Variants in SLC30A2 observed in about 807,000 individuals in gnomAD.
The protein encoded by SLC30A2 is solute carrier family 30 member 2.
A neutral mutation model predicts 39.6 loss-of-function variants in SLC30A2; 19 were observed. The ratio of observed to expected loss-of-function variants is 0.48; its 90% CI spans 0.34 to 0.70. The LOEUF (loss-of-function observed/expected upper bound fraction) is 0.70, where lower values mean the gene tolerates loss of function less well. Ranked by LOEUF, SLC30A2 falls within the 30% of genes least tolerant of loss-of-function variation. The pLI, the probability that SLC30A2 is intolerant of heterozygous loss-of-function variation, is 0.01. For synonymous variants in SLC30A2, 195 were observed against 194.8 expected (o/e 1.00, Z -0.01); for missense variants, 387 against 479.4 (o/e 0.81, Z 1.80).
rs202003978 is a variant in SLC30A2 at position 26,041,758 on chromosome 1, G to C, written c.780C>G (p.Ile260Met). The part of the protein sequence containing the change: ...VDPICTFVFS[I>M]LVLGTTLTIL... ...TGGTCAAGGTTGTCCCCAGGACCAG[G>C]ATGGAGAAGACGAAGGTGCAGATGG... Residue 260 changes from isoleucine to methionine, a missense_variant, in exon 6 of 8, where the codon ATC (isoleucine) becomes ATG (methionine). Coordinates refer to ENST00000374276, the MANE Select transcript of SLC30A2 (RefSeq NM_001004434.3). The C allele has an allele frequency of 6.2e-7, 1 of 1,613,840 alleles. No individual in the cohort carries two copies. Among genetic ancestry groups the C allele is most frequent in the Admixed American group, 1.7e-5 (1 of 60,010 alleles).
chr1:26,042,615 G>C lies in SLC30A2; in HGVS notation c.666C>G (p.Ile222Met). ...TCTGCATAAAGTCGCCGATCACATGGATGAAGGCAGCTCGGACGCTGGGGT... is the reference window on the plus strand; with the variant it reads ...TCTGCATAAAGTCGCCGATCACATGCATGAAGGCAGCTCGGACGCTGGGGT... ...EENPSVRAAFIHVIGDFMQSM... is the reference protein window; with the variant it reads ...EENPSVRAAFMHVIGDFMQSM... The change falls in exon 5 of 8, where the codon ATC (isoleucine) becomes ATG (methionine). Residue 222 changes from isoleucine to methionine, a missense_variant. Coordinates refer to ENST00000374276, the MANE Select transcript of SLC30A2 (RefSeq NM_001004434.3). 2 of 1,614,206 alleles carry C rather than the reference G, an allele frequency of 1.2e-6. No individual in the cohort carries two copies. Among genetic ancestry groups the C allele is most frequent in the Non-Finnish European group, 1.7e-6 (2 of 1,180,026 alleles).
rs1477109267 is a variant in SLC30A2, at chr1:26,039,815, G to A, written c.935C>T (p.Thr312Met). 3.1e-6 allele frequency: 5 copies of A among 1,613,810 alleles called. No individual in the cohort carries two copies. The highest frequency in any genetic ancestry group is 1.3e-5 in the African/African-American group (1 of 74,914). Residue 312 changes from threonine to methionine, a missense_variant, in exon 7 of 8, where the codon ACG becomes ATG. Coordinates refer to ENST00000374276, the MANE Select transcript of SLC30A2 (RefSeq NM_001004434.3). This position sits in a 1 kb window ranked among gnomAD's most constrained non-coding sequence, Gnocchi z 4.3. ...GACAGACAGAACAGGCTGGGCCACC[G>A]TCAGTGCCCAGATATGCAGGCTGTG... Reference protein sequence around the residue: ...ALHSLHIWALTVAQPVLSVHI... With the variant: ...ALHSLHIWALMVAQPVLSVHI...
intron 1 of SLC30A2, 97 bp downstream of exon 1, chr1:26,045,750 C>T: frequency 1.3e-6 from 2 of 1,593,700 alleles, no homozygotes; most frequent in Non-Finnish European, 1.7e-6. Flanking sequence ...GGTCCCAGCT[C>T]AAGCCGCAGC....
chr1:26,039,697 G>A lies in SLC30A2; in HGVS notation c.973+80C>T. 1 of 1,474,950 alleles carries A rather than the reference G, an allele frequency of 6.8e-7. No homozygotes were observed. 91.4% of individuals were successfully genotyped at this position (1,474,950 alleles called of 1,614,324 possible). A position where few individuals can be genotyped will look rare whatever the true frequency, so the allele number is the denominator to read the frequency against. ...TGCATGGGCACTGTGAGCATCTGGGGTCACCTGGACCCGTTGGGGATGGCA... is the reference window on the plus strand; with the variant it reads ...TGCATGGGCACTGTGAGCATCTGGGATCACCTGGACCCGTTGGGGATGGCA... On this transcript the variant is annotated intron_variant, in intron 7 of 7. Transcript: ENST00000374276. This position sits in a 1 kb window ranked among gnomAD's most constrained non-coding sequence, Gnocchi z 4.3.
At position 26,038,481 on chromosome 1, in the gene SLC30A2, C is replaced by G. The variant is rs1047378238; in HGVS notation, c.*679G>C. 1.3e-5 allele frequency: 2 copies of G among 152,244 alleles called. No homozygotes were observed. Among genetic ancestry groups the G allele is most frequent in the Non-Finnish European group, 2.9e-5 (2 of 68,054 alleles). The allele number at this position is 152,244 out of a possible 1,614,324, so 9.4% of individuals were successfully genotyped here. A position where few individuals can be genotyped will look rare whatever the true frequency, so the allele number is the denominator to read the frequency against. Reference sequence around the variant, plus strand: ...GGCTTGGAGGCTGTTAGTGCAGAACCCAAGCTGAAATCTCTCTACCCCCTG... The same window carrying G: ...GGCTTGGAGGCTGTTAGTGCAGAACGCAAGCTGAAATCTCTCTACCCCCTG... On this transcript the variant is annotated 3_prime_UTR_variant, in exon 8 of 8. Coordinates refer to ENST00000374276, the MANE Select transcript of SLC30A2 (RefSeq NM_001004434.3).
At chr1:26,040,249 T>C (rs1009152664) in intron 6 of SLC30A2, among the ~76,000 whole-genome samples, 4 of 152,198 alleles carry the variant, frequency 2.6e-5, no homozygotes, top group African/African-American at 9.6e-5. Flanking sequence ...TCAATAAATA[T>C]ATTTTTTGGT....
rs200039883 is a variant in SLC30A2 at position 26,042,585 on chromosome 1, C to T, written c.696G>A (p.Met232Ile). The T allele has an allele frequency of 2.5e-6, 4 of 1,614,176 alleles. No homozygotes were observed. Among genetic ancestry groups the T allele is most frequent in the African/African-American group, 2.7e-5 (2 of 75,058 alleles). The change falls in exon 5 of 8, where the codon ATG becomes ATA. Residue 232 changes from methionine (M) to isoleucine (I), a missense_variant. Physicochemically the swap from Met to Ile is conservative, Grantham distance 10 (BLOSUM62 1). Transcript: ENST00000374276. ...IHVIGDFMQS[M>I]GVLVAAYILY... ...AAATATAGGCTGCCACTAGGACACC[C>T]ATGCTCTGCATAAAGTCGCCGATCA... is the stretch of plus-strand genomic sequence containing the variant.
In SLC30A2 at chr1:26,040,641, G is replaced by A. The variant is rs549604066; in HGVS notation, c.839-730C>T. ...CACGATCATCATCTTCATCATTATC[G>A]CTTTCATCTGGGTTAGCATATTCTT... On this transcript the variant is annotated intron_variant, in intron 6 of 7. Coordinates refer to ENST00000374276, the MANE Select transcript of SLC30A2 (RefSeq NM_001004434.3). 5.9e-5 allele frequency among the ~76,000 whole-genome samples: 9 copies of A among 152,206 alleles called. No homozygotes were observed. The East Asian group carries it at 9.6e-4, about 16-fold the overall frequency.
chr1:26,044,085 G>A (rs2050431663), intron 3 of SLC30A2, among the ~76,000 whole-genome samples: 1 of 152,064 alleles, frequency 6.6e-6, no homozygotes, highest in Admixed American at 6.5e-5. Context: ...CAGACTGAGA[G>A]CTCCTGGATG....
At chr1:26,040,786 G>C (rs566078470) in intron 6 of SLC30A2, among the ~76,000 whole-genome samples, 2 of 152,208 alleles carry the variant, frequency 1.3e-5, no homozygotes, top group Admixed American at 1.3e-4. Flanking sequence ...CCCAGGCCTA[G>C]AGCATAAGAA....
chr1:26,038,878 G>A lies in SLC30A2; in HGVS notation c.*282C>T. On this transcript the variant is annotated 3_prime_UTR_variant, in exon 8 of 8. Coordinates refer to ENST00000374276, the MANE Select transcript of SLC30A2 (RefSeq NM_001004434.3). The stretch of plus-strand genomic sequence containing the variant: ...ACCACCTTTGCCCCTGCGAGTGGTA[G>A]AACATTTGCTGAGGATTAGGCCCAA... 1.4e-6 allele frequency: 1 copy of A among 718,890 alleles called. No homozygotes were observed. The highest frequency in any genetic ancestry group is 5.3e-5 in the East Asian group (1 of 18,712). 44.5% of individuals were successfully genotyped at this position (718,890 alleles called of 1,614,324 possible).
chr1:26,044,531 G>A, intron 2 of SLC30A2, 87 bp from the exon 3 acceptor site: 1 of 1,328,456 alleles, frequency 7.5e-7, no homozygotes. Context: ...GGCTCTGGAA[G>A]AGGACATTCT....
At position 26,044,577 on chromosome 1, in the gene SLC30A2, C is replaced by G. The variant is rs188820561; in HGVS notation, c.272-133G>C. The G allele has an allele frequency of 5.5e-4, 453 of 816,458 alleles. 1 individual carries two copies. The highest frequency in any genetic ancestry group is 7.5e-4 in the Non-Finnish European group (401 of 531,222). 50.6% of individuals were successfully genotyped at this position (816,458 alleles called of 1,614,324 possible). On this transcript the variant is annotated intron_variant, in intron 2 of 7. Transcript: ENST00000374276. The stretch of plus-strand genomic sequence containing the variant: ...TCTCTCTACCCATGAGCTGTACCAC[C>G]GTGACAAGTGACCTACTCTCTCTGA...
chr1:26,045,198 A>G lies in SLC30A2; in HGVS notation c.70T>C (p.Trp24Arg), dbSNP rs112850383. 3.1e-6 allele frequency: 5 copies of G among 1,612,106 alleles called. No individual in the cohort carries two copies. The South Asian group carries it at 5.5e-5, about 18-fold the overall frequency. ...PAIRSYTGSL[W>R]QEGAGWIPLP... ...GGAATCCAGCCAGCCCCTTCCTGCC[A>G]CAGAGATCCCGTGTATGACCTGGCC... The change falls in exon 2 of 8, where the codon TGG becomes CGG. Residue 24 changes from tryptophan to arginine, a missense_variant. Physicochemically the swap from Trp to Arg is moderately radical, Grantham distance 101. Coordinates refer to ENST00000374276, the MANE Select transcript of SLC30A2 (RefSeq NM_001004434.3).
intron 5 of SLC30A2, 26 bp downstream of exon 5, chr1:26,042,523 C>T (rs1473900944): frequency 6.2e-7 from 1 of 1,603,566 alleles, no homozygotes. Context: ...CCTGCCACCC[C>T]CACCACCCTG....
intron 3 of SLC30A2, 137 bp from the exon 4 acceptor site, chr1:26,043,688 T>A: frequency 1.3e-6 from 1 of 742,904 alleles, no homozygotes; most frequent in Non-Finnish European, 2.2e-6. Context: ...CTGCTGAAGG[T>A]ATGGCCGGTA....
At position 26,039,232 on chromosome 1, in the gene SLC30A2, G is replaced by T. The variant is rs894972915; in HGVS notation, c.1047C>A (p.Thr349=). The change falls in exon 8 of 8, where the codon ACC becomes ACA. Residue 349 remains threonine (T), a synonymous_variant. Transcript: ENST00000374276. This position sits in a 1 kb window ranked among gnomAD's most constrained non-coding sequence, Gnocchi z 4.3. ...SRLQGKFHFH[T]VTIQIEDYSE... ...AGTAGTCCTCGATCTGGATGGTCAC[G>T]GTGTGGAAGTGGAACTTCCCTTGGA... 8 of 1,614,038 alleles carry T rather than the reference G, an allele frequency of 5.0e-6. No homozygotes were observed. The highest frequency in any genetic ancestry group is 6.8e-6 in the Non-Finnish European group (8 of 1,180,006).
rs1268913473 is a variant in SLC30A2, at chr1:26,044,355, G to C, written c.361C>G (p.Leu121Val). 1.9e-6 allele frequency: 3 copies of C among 1,614,104 alleles called. No homozygotes were observed. In the South Asian group the frequency reaches 3.3e-5, roughly 18 times the overall value. The change falls in exon 3 of 8, where the codon CTC becomes GTC. Residue 121 changes from leucine to valine, a missense_variant. Physicochemically the swap from Leu to Val is conservative, Grantham distance 32. Coordinates refer to ENST00000374276, the MANE Select transcript of SLC30A2 (RefSeq NM_001004434.3). ...FASMLISLFS[L>V]WMSSRPATKT... ...GTGGCTGGCCGGGAGGACATCCAGA[G>C]GGAGAAGAGGCTGATGAGCATGCTG...
At chr1:26,045,267 A>G in intron 1 of SLC30A2, 50 bp from the exon 2 acceptor site, 2 of 1,468,030 alleles carry the variant, frequency 1.4e-6, no homozygotes, top group Non-Finnish European at 1.9e-6. Context: ...TGAGGTAAGG[A>G]GGGCCGACTC....
Sources: gnomAD v4.1 joint callset for allele counts (sites outside exome capture counted in the v4.1 genomes callset) on GRCh38, gnomAD v4.1.1 for gene constraint, Gnocchi (gnomAD v3.1) non-coding constraint, MANE v1.5 for transcripts, NCBI Gene and HGNC (gene_info 2026-07-23, HGNC 2026-07-21) for gene names.